ZNF235: variants seen among roughly 807,000 people sequenced by gnomAD.
ZNF235 encodes the protein zfp-93.
ZNF235 carries 25 observed loss-of-function variants against 29.4 expected under a neutral mutation model. That is an observed-to-expected ratio of 0.85 (90% CI 0.62 to 1.19). ZNF235 has a LOEUF of 1.19. Ranked by LOEUF, ZNF235 falls within the 50% of genes most tolerant of loss-of-function variation. The pLI is 0.00. For synonymous variants in ZNF235, 300 were observed against 295.3 expected, an observed-to-expected ratio of 1.02 and a Z score of -0.16; for missense variants, 788 against 885.0, an observed-to-expected ratio of 0.89 and a Z score of 1.39.
chr19:44,303,435 A>C lies in ZNF235; in HGVS notation c.-31T>G. The C allele has an allele frequency of 6.2e-7, 1 of 1,609,038 alleles. No homozygotes were observed. The highest frequency in any genetic ancestry group is 8.5e-7 in the Non-Finnish European group (1 of 1,176,916). On this transcript the variant is annotated 5_prime_UTR_variant, in exon 2 of 5. Coordinates refer to ENST00000291182, the MANE Select transcript of ZNF235 (RefSeq NM_004234.4). ...CCCTCCTCCTTCTGGGAAAAGGCAG[A>C]GTTCCGGGGAAGTGAACCTGAGGGA...
intron 4 of ZNF235, among the ~76,000 whole-genome samples, chr19:44,292,878 C>G (rs1405595373): frequency 1.3e-5 from 2 of 152,014 alleles, no homozygotes; most frequent in African/African-American, 2.4e-5. Context: ...AGCTCCATCA[C>G]ACAATTCAAC....
Position 44,288,189 on chromosome 19 carries a change from ATC to A in ZNF235, c.1244_1245del (p.Arg415IlefsTer7), listed in dbSNP as rs1186242251. 6.2e-7 allele frequency: 1 copy of A among 1,614,034 alleles called. No individual in the cohort carries two copies. Among genetic ancestry groups the A allele is most frequent in the Non-Finnish European group, 8.5e-7 (1 of 1,180,000 alleles). ...CEVCGKGFTQ[R>X]SHLQAHERIH... ...ATTCTTTCATGGGCCTGAAGATGTG[ATC>A]TCTGAGTGAAGCCCTTCCCACACAC... On this transcript the variant is annotated frameshift_variant, in exon 5 of 5. Coordinates refer to ENST00000291182, the MANE Select transcript of ZNF235 (RefSeq NM_004234.4). LOFTEE classifies it high-confidence loss of function.
chr19:44,302,995 T>C (rs1568647698), intron 2 of ZNF235, among the ~76,000 whole-genome samples: 6 of 132,748 alleles, frequency 4.5e-5, no homozygotes, highest in Non-Finnish European at 7.7e-5. Context: ...TATATAAATA[T>C]ATACATATAT....
Position 44,288,493 on chromosome 19 carries a change from A to G in ZNF235, c.942T>C (p.Thr314=), listed in dbSNP as rs1288201569. The stretch of plus-strand genomic sequence containing the variant: ...CATGACACCAATAGCGTTTTTTCCC[A>G]GTACGAACACTTTGTTGAACAGGAA... ...SGIPVQQSVR[T]GKKRYWCHEC... is the part of the protein sequence containing the mutation. Residue 314 remains threonine, a synonymous_variant, in exon 5 of 5, where the codon ACT becomes ACC. Transcript: ENST00000291182. 1.2e-6 allele frequency: 2 copies of G among 1,614,046 alleles called. No homozygotes were observed. Among genetic ancestry groups the G allele is most frequent in the African/African-American group, 1.3e-5 (1 of 74,926 alleles).
chr19:44,299,847 AG>A (rs1011813965), intron 2 of ZNF235, 115 bp from the exon 3 acceptor site: 2 of 1,526,710 alleles, frequency 1.3e-6, no homozygotes, highest in Non-Finnish European at 1.8e-6. Flanking sequence ...CAAAAATGCT[AG>A]GGGGAAGAAG....
rs770742253 is a variant in ZNF235 at position 44,287,324 on chromosome 19, ACT to A, written c.2109_2110del (p.Arg703SerfsTer11). The A allele has an allele frequency of 6.2e-6, 10 of 1,613,816 alleles. No homozygotes were observed. The highest frequency in any genetic ancestry group is 4.4e-5 in the South Asian group (4 of 91,068). ...TATGTAAGGCCTCTCTCCAGTGTGG[ACT>A]CTCTGGTGTGTGTGAAAATGTGAGG... On this transcript the variant is annotated frameshift_variant, in exon 5 of 5. Transcript: ENST00000291182. LOFTEE classifies it high-confidence loss of function.
chr19:44,288,581 T>G lies in ZNF235; in HGVS notation c.854A>C (p.His285Pro). 1 of 1,614,128 alleles carries G rather than the reference T, an allele frequency of 6.2e-7. No homozygotes were observed. The highest frequency in any genetic ancestry group is 8.5e-7 in the Non-Finnish European group (1 of 1,179,988). Residue 285 changes from histidine (H) to proline (P), a missense_variant, in exon 5 of 5, where the codon CAC (histidine) becomes CCC (proline). Transcript: ENST00000291182. ...ACACGCTGGAGACTTCTTTCCCAAG[T>G]GTACCTGTTTATGAAGTTCAAGACT... ...SSSLELHKQV[H>P]LGKKSPACST...
At position 44,288,245 on chromosome 19, in the gene ZNF235, T is replaced by C. The variant is rs1354081638; in HGVS notation, c.1190A>G (p.His397Arg). ...STDLNIHCRV[H>R]TGEKPYKCEV... ...ACATTTATAAGGTTTCTCTCCAGTG[T>C]GAACTCTGCAATGAATGTTAAGATC... Residue 397 changes from histidine (H) to arginine (R), a missense_variant, in exon 5 of 5, where the codon CAC becomes CGC. By Grantham distance (29) the His-to-Arg change is conservative. Transcript: ENST00000291182. 7 of 1,614,196 alleles carry C rather than the reference T, an allele frequency of 4.3e-6. No homozygotes were observed. The Admixed American group carries it at 1.0e-4, about 23-fold the overall frequency.
intron 4 of ZNF235, 68 bp downstream of exon 4, chr19:44,298,740 G>T (rs1599891629): frequency 2.5e-6 from 3 of 1,214,160 alleles, no homozygotes; most frequent in Admixed American, 4.0e-5. Context: ...GCTGAGTGGA[G>T]AAGAAATTAT....
intron 2 of ZNF235, among the ~76,000 whole-genome samples, chr19:44,302,044 A>AT (rs1479611865): frequency 6.6e-6 from 1 of 152,244 alleles, no homozygotes; most frequent in Non-Finnish European, 1.5e-5. Context: ...ACAAGGTTTT[A>AT]CTTAGAATTA....
At chr19:44,294,305 A>G (rs1975624346) in intron 4 of ZNF235, among the ~76,000 whole-genome samples, 1 of 152,154 alleles carries the variant, frequency 6.6e-6, no homozygotes, top group Non-Finnish European at 1.5e-5. Flanking sequence ...TCTAGAGAAA[A>G]TGAATTCCTG....
Position 44,287,302 on chromosome 19 carries a change from G to A in ZNF235, c.2133C>T (p.Tyr711=). 1 of 1,613,460 alleles carries A rather than the reference G, an allele frequency of 6.2e-7. No individual in the cohort carries two copies. The change falls in exon 5 of 5, where the codon TAC becomes TAT. Residue 711 remains tyrosine (Y), a synonymous_variant. Coordinates refer to ENST00000291182, the MANE Select transcript of ZNF235 (RefSeq NM_004234.4). The part of the protein sequence containing the change: ...HQRVHTGERP[Y]ICDVCCKGFS... ...AGCCCTTACAACAGACATCACATAT[G>A]TAAGGCCTCTCTCCAGTGTGGACTC...
intron 4 of ZNF235, among the ~76,000 whole-genome samples, chr19:44,297,941 A>T (rs1975677407): frequency 6.6e-6 from 1 of 151,960 alleles, no homozygotes. Context: ...CAACATGGGG[A>T]AACCTCGTCT....
rs1206342126 is a variant in ZNF235 at position 44,287,474 on chromosome 19, G to A, written c.1961C>T (p.Pro654Leu). Residue 654 changes from proline (P) to leucine (L), a missense_variant, in exon 5 of 5, where the codon CCA (proline) becomes CTA (leucine). By Grantham distance (98) the Pro-to-Leu change is moderately conservative. Coordinates refer to ENST00000291182, the MANE Select transcript of ZNF235 (RefSeq NM_004234.4). Reference sequence around the variant, plus strand: ...TTTCCCACATTCCTCACATTTAAATGGTTTCTCTCCAGTGTGAATTATCTG... The same window carrying A: ...TTTCCCACATTCCTCACATTTAAATAGTTTCTCTCCAGTGTGAATTATCTG... The part of the protein sequence containing the change: ...VHQIIHTGEK[P>L]FKCEECGKEF... 1.2e-6 allele frequency: 2 copies of A among 1,614,036 alleles called. No homozygotes were observed. The highest frequency in any genetic ancestry group is 1.3e-5 in the African/African-American group (1 of 74,978).
intron 2 of ZNF235, among the ~76,000 whole-genome samples, chr19:44,301,837 C>G (rs1258556103): frequency 6.6e-6 from 1 of 152,110 alleles, no homozygotes; most frequent in Non-Finnish European, 1.5e-5. Flanking sequence ...ATTGAGTGGA[C>G]TTCAATAAGT....
At chr19:44,289,791 A>G (rs1021426099) in intron 4 of ZNF235, 11 of 152,270 alleles carry the variant, frequency 7.2e-5, no homozygotes, top group African/African-American at 2.7e-4. Flanking sequence ...CAGCAACTGA[A>G]TCGTAAGTAG....
intron 4 of ZNF235, among the ~76,000 whole-genome samples, chr19:44,297,910 G>A (rs1157605822): frequency 6.6e-6 from 1 of 152,094 alleles, no homozygotes; most frequent in Non-Finnish European, 1.5e-5. Context: ...CTTGAGTCCA[G>A]GAGTTCAAGA....
chr19:44,287,578 T>G lies in ZNF235; in HGVS notation c.1857A>C (p.Arg619Ser). The G allele has an allele frequency of 6.2e-7, 1 of 1,614,154 alleles. No homozygotes were observed. The highest frequency in any genetic ancestry group is 8.5e-7 in the Non-Finnish European group (1 of 1,180,020). ...SQASHLQAHQ[R>S]VHTGEKPYKC... ...TATATGGTTTCTCTCCGGTGTGGACTCTCTGATGGGCTTGAAGGTGTGAGG... is the reference window on the plus strand; with the variant it reads ...TATATGGTTTCTCTCCGGTGTGGACGCTCTGATGGGCTTGAAGGTGTGAGG... The change falls in exon 5 of 5, where the codon AGA becomes AGC. Residue 619 changes from arginine (R) to serine (S), a missense_variant. Physicochemically the swap from Arg to Ser is moderately radical, Grantham distance 110. Coordinates refer to ENST00000291182, the MANE Select transcript of ZNF235 (RefSeq NM_004234.4).
At chr19:44,300,291 G>A (rs1369188824) in intron 2 of ZNF235, among the ~76,000 whole-genome samples, 1 of 152,142 alleles carries the variant, frequency 6.6e-6, no homozygotes, top group Non-Finnish European at 1.5e-5. Context: ...TTAAATGAGT[G>A]AATACATATA....
Sources: gnomAD v4.1 joint callset for allele counts (sites outside exome capture counted in the v4.1 genomes callset) on GRCh38, gnomAD v4.1.1 for gene constraint, MANE v1.5 for transcripts, NCBI Gene and HGNC (gene_info 2026-07-23, HGNC 2026-07-21) for gene names.